Variants in FAT3 observed in about 807,000 individuals in gnomAD.
FAT3 encodes the protein FAT atypical cadherin 3.
FAT3 carries 95 observed loss-of-function variants against 310.2 expected under a neutral mutation model. That is an observed-to-expected ratio of 0.31 (90% CI 0.26 to 0.36). FAT3 has a LOEUF of 0.36. Ranked by LOEUF, FAT3 falls within the 10% of genes least tolerant of loss-of-function variation. The pLI is 1.00. For synonymous variants in FAT3, 2,314 were observed against 2,192.9 expected, an observed-to-expected ratio of 1.06 and a Z score of -1.54; for missense variants, 5,408 against 5,715.6, an observed-to-expected ratio of 0.95 and a Z score of 1.74.
intron 1 of FAT3, among the ~76,000 whole-genome samples, chr11:92,262,024 A>G (rs1296189835): frequency 6.6e-6 from 1 of 152,024 alleles, no homozygotes; most frequent in Admixed American, 6.6e-5. Flanking sequence ...CTCGAACAAT[A>G]AATGGACTCT....
intron 4 of FAT3, among the ~76,000 whole-genome samples, chr11:92,723,712 G>A (rs1944925307): frequency 6.6e-6 from 1 of 152,150 alleles, no homozygotes; most frequent in East Asian, 1.9e-4. Flanking sequence ...AAGGTGAAAG[G>A]CACATCTTAT....
intron 3 of FAT3, among the ~76,000 whole-genome samples, chr11:92,672,789 G>A (rs1258609325): frequency 6.6e-6 from 1 of 152,188 alleles, no homozygotes; most frequent in African/African-American, 2.4e-5. Context: ...GAGGTGCCAA[G>A]CAGAACAGGA....
At chr11:92,543,855 A>C (rs1954528867) in intron 3 of FAT3, among the ~76,000 whole-genome samples, 1 of 152,162 alleles carries the variant, frequency 6.6e-6, no homozygotes, top group Admixed American at 6.5e-5. Context: ...GGAAGCACAA[A>C]ATGAGTAACA....
At chr11:92,633,249 A>T (rs552594308) in intron 3 of FAT3, among the ~76,000 whole-genome samples, 1 of 152,300 alleles carries the variant, frequency 6.6e-6, no homozygotes, top group East Asian at 1.9e-4. Context: ...TTTTAAATAG[A>T]AAAGACAGCT....
chr11:92,718,979 A>G (rs1944772929), intron 4 of FAT3, among the ~76,000 whole-genome samples: 1 of 152,204 alleles, frequency 6.6e-6, no homozygotes, highest in African/African-American at 2.4e-5. Context: ...GCTTTGAGCT[A>G]TGTCCTTGTA....
At chr11:92,516,660 A>G (rs538498248) in intron 2 of FAT3, among the ~76,000 whole-genome samples, 179 of 152,306 alleles carry the variant, frequency 1.2e-3, no homozygotes, top group African/African-American at 4.1e-3. Context: ...AAAAGAAAGA[A>G]GTAAAGGATA....
intron 1 of FAT3, among the ~76,000 whole-genome samples, chr11:92,328,050 T>C (rs1369905037): frequency 1.3e-5 from 2 of 152,168 alleles, no homozygotes; most frequent in Admixed American, 6.5e-5. Context: ...TGGGAGTTGT[T>C]TGGGCCCCAG....
intron 21 of FAT3, among the ~76,000 whole-genome samples, chr11:92,860,441 C>A (rs888778195): frequency 6.6e-6 from 1 of 152,118 alleles, no homozygotes; most frequent in Admixed American, 6.5e-5. Context: ...CATCTGTAGA[C>A]CAGATTCAGC....
intron 3 of FAT3, among the ~76,000 whole-genome samples, chr11:92,656,034 G>C (rs1942570102): frequency 6.6e-6 from 1 of 152,134 alleles, no homozygotes; most frequent in East Asian, 1.9e-4. Flanking sequence ...GGGGCTGTGA[G>C]ATACTTGAAA....
rs565550875 is a variant in FAT3 at position 92,591,667 on chromosome 11, A to G, written c.3607+66719A>G. ...ATACCAAGTCAATTTTTGCTGAACTATAAGCATACCAGCTATTTTACAAAG... is the reference window on the plus strand; with the variant it reads ...ATACCAAGTCAATTTTTGCTGAACTGTAAGCATACCAGCTATTTTACAAAG... On this transcript the variant is annotated intron_variant, in intron 3 of 27. Coordinates refer to ENST00000525166, the MANE Select transcript of FAT3 (RefSeq NM_001367949.2). 2.0e-4 allele frequency among the ~76,000 whole-genome samples: 30 copies of G among 152,294 alleles called. 1 individual carries two copies. In the South Asian group the frequency reaches 4.8e-3, roughly 24 times the overall value.
intron 4 of FAT3, among the ~76,000 whole-genome samples, chr11:92,735,525 C>G (rs577545876): frequency 2.0e-5 from 3 of 151,706 alleles, no homozygotes; most frequent in African/African-American, 7.3e-5. Context: ...AAACTATTCA[C>G]AAGTGAATGA....
At chr11:92,629,098 T>C (rs551879522) in intron 3 of FAT3, among the ~76,000 whole-genome samples, 2 of 152,362 alleles carry the variant, frequency 1.3e-5, no homozygotes, top group East Asian at 1.9e-4. Context: ...ACCTTTCTTA[T>C]ATGAGATACC....
intron 3 of FAT3, among the ~76,000 whole-genome samples, chr11:92,645,625 G>A (rs542740093): frequency 1.3e-5 from 2 of 152,178 alleles, no homozygotes; most frequent in African/African-American, 4.8e-5. Context: ...ATTCAGTTAA[G>A]TTTCTTTGTT....
In FAT3 at chr11:92,352,131, C is replaced by A; in HGVS notation, c.19C>A (p.His7Asn). ...TGATGTGATGGATATAATTATGGGA[C>A]ACTGTGTGGGCACACGGCCTCCTGC... MDIIMGHCVGTRPPACC... is the reference protein window; with the variant it reads MDIIMGNCVGTRPPACC... Residue 7 changes from histidine to asparagine, a missense_variant, in exon 2 of 28, where the codon CAC becomes AAC. His to Asn is a moderately conservative substitution (Grantham distance 68). Transcript: ENST00000525166. 1 of 1,354,798 alleles carries A rather than the reference C, an allele frequency of 7.4e-7. No homozygotes were observed. The highest frequency in any genetic ancestry group is 9.8e-7 in the Non-Finnish European group (1 of 1,015,480). 83.9% of individuals were successfully genotyped at this position (1,354,798 alleles called of 1,614,324 possible).
In FAT3 at chr11:92,383,140, C is replaced by T. The variant is rs183094478; in HGVS notation, c.3292+27736C>T. ...TGCTAAGGATAATGGCTTCTAACTCCATTGATGTCCCTGCACAGGACATGA... is the reference window on the plus strand; with the variant it reads ...TGCTAAGGATAATGGCTTCTAACTCTATTGATGTCCCTGCACAGGACATGA... On this transcript the variant is annotated intron_variant, in intron 2 of 27. Coordinates refer to ENST00000525166, the MANE Select transcript of FAT3 (RefSeq NM_001367949.2). 2.0e-3 allele frequency among the ~76,000 whole-genome samples: 312 copies of T among 152,276 alleles called. 11 individuals are homozygous for T. Among genetic ancestry groups the T allele is most frequent in the Admixed American group, 0.02 (307 of 15,292 alleles).
At chr11:92,641,268 A>G (rs1396465733) in intron 3 of FAT3, among the ~76,000 whole-genome samples, 1 of 152,174 alleles carries the variant, frequency 6.6e-6, no homozygotes, top group Non-Finnish European at 1.5e-5. Flanking sequence ...CCAGATACAT[A>G]ATATGTATTT....
intron 15 of FAT3, among the ~76,000 whole-genome samples, chr11:92,835,418 G>C (rs1948380390): frequency 6.6e-6 from 1 of 152,110 alleles, no homozygotes; most frequent in Non-Finnish European, 1.5e-5. Context: ...AGGTTATTAG[G>C]TGGCTAGGAG....
At chr11:92,874,618 C>T (rs562402279) in intron 22 of FAT3, among the ~76,000 whole-genome samples, 1 of 152,228 alleles carries the variant, frequency 6.6e-6, no homozygotes, top group Non-Finnish European at 1.5e-5. Context: ...CGGCTCACCA[C>T]AACCTCCGCC....
At chr11:92,734,242 G>A (rs1030430414) in intron 4 of FAT3, among the ~76,000 whole-genome samples, 1 of 152,212 alleles carries the variant, frequency 6.6e-6, no homozygotes, top group African/African-American at 2.4e-5. Context: ...GAAGCAAGCT[G>A]TGGTTCAGTT....
Sources: gnomAD v4.1 joint callset for allele counts (sites outside exome capture counted in the v4.1 genomes callset) on GRCh38, gnomAD v4.1.1 for gene constraint, MANE v1.5 for transcripts, NCBI Gene and HGNC (gene_info 2026-07-23, HGNC 2026-07-21) for gene names.